NEDD4L: variants seen among roughly 807,000 people sequenced by gnomAD.
NEDD4L encodes the protein NEDD4 like E3 ubiquitin protein ligase.
In NEDD4L, 54 loss-of-function variants were observed where a neutral mutation model predicts 148.9. The ratio of observed to expected loss-of-function variants is 0.36; its 90% CI spans 0.29 to 0.45. NEDD4L has a LOEUF of 0.45. Among genes scored for constraint, NEDD4L ranks in the 20% least tolerant of loss-of-function variants. The pLI is 1.00. For synonymous variants in NEDD4L, 433 were observed against 440.7 expected (o/e 0.98, Z 0.22); for missense variants, 856 against 1,233.8 (o/e 0.69, Z 4.59).
Position 58,316,046 on chromosome 18 carries a change from C to T in NEDD4L, c.348+14C>T. The T allele has an allele frequency of 6.2e-7, 1 of 1,608,032 alleles. No individual in the cohort carries two copies. The highest frequency in any genetic ancestry group is 8.5e-7 in the Non-Finnish European group (1 of 1,174,636). On this transcript the variant is annotated intron_variant, in intron 6 of 30. Transcript: ENST00000400345. ...AGTCACCTTCCGGTAAGGACAGTCT[C>T]ATGTTTGATGCTTCGTGCTGGGGGC... is the stretch of plus-strand genomic sequence containing the variant.
At chr18:58,363,722 A>G (rs566047471) in intron 19 of NEDD4L, among the ~76,000 whole-genome samples, 4 of 152,332 alleles carry the variant, frequency 2.6e-5, no homozygotes, top group Non-Finnish European at 5.9e-5. Flanking sequence ...ATTAAGGGAC[A>G]AACCTTCTGA....
Position 58,325,280 on chromosome 18 carries a change from T to G in NEDD4L, c.680+118T>G, listed in dbSNP as rs1040247221. The G allele has an allele frequency of 8.3e-6, 10 of 1,204,230 alleles. No homozygotes were observed. In the African/African-American group the frequency reaches 1.3e-4, roughly 16 times the overall value. 74.6% of individuals were successfully genotyped at this position (1,204,230 alleles called of 1,614,324 possible). On this transcript the variant is annotated intron_variant, in intron 9 of 30. Coordinates refer to ENST00000400345, the MANE Select transcript of NEDD4L (RefSeq NM_001144967.3). ...ATCATATGTCTATAAGAGCAGATGG[T>G]GGTGTGGTACGAGATTCCTCTCCAT...
chr18:58,244,622 T>G (rs1006301044), intron 2 of NEDD4L, among the ~76,000 whole-genome samples: 1 of 152,222 alleles, frequency 6.6e-6, no homozygotes, highest in Admixed American at 6.5e-5. Flanking sequence ...GGCAAATCTC[T>G]CTTGACTTTC....
At chr18:58,361,622 C>A (rs909639665) in intron 19 of NEDD4L, among the ~76,000 whole-genome samples, 7 of 152,132 alleles carry the variant, frequency 4.6e-5, no homozygotes, top group African/African-American at 1.7e-4. Flanking sequence ...CTGATGTCCC[C>A]GTGCCGGGCA....
chr18:58,201,649 C>G (rs1041127202), intron 2 of NEDD4L, among the ~76,000 whole-genome samples: 1 of 152,148 alleles, frequency 6.6e-6, no homozygotes, highest in African/African-American at 2.4e-5. Context: ...GTTCTTATTA[C>G]GTTCGTGTAT....
chr18:58,190,581 A>T (rs1473805155), intron 2 of NEDD4L, among the ~76,000 whole-genome samples: 1 of 152,230 alleles, frequency 6.6e-6, no homozygotes, highest in Non-Finnish European at 1.5e-5. Context: ...TCAGAGAAGC[A>T]GGCTCATGAG....
intron 1 of NEDD4L, among the ~76,000 whole-genome samples, chr18:58,097,049 T>C (rs2084457148): frequency 6.6e-6 from 1 of 152,080 alleles, no homozygotes; most frequent in African/African-American, 2.4e-5. Flanking sequence ...CAATTTCACA[T>C]CAAACTGTGG....
At chr18:58,176,181 T>A (rs779747959) in intron 2 of NEDD4L, among the ~76,000 whole-genome samples, 2 of 152,098 alleles carry the variant, frequency 1.3e-5, no homozygotes, top group Non-Finnish European at 2.9e-5. Flanking sequence ...CAAACTAGAC[T>A]GCTTTCTTTC....
chr18:58,111,218 C>G (rs1371130172), intron 1 of NEDD4L, among the ~76,000 whole-genome samples: 1 of 152,132 alleles, frequency 6.6e-6, no homozygotes. Context: ...CAAGCTCATG[C>G]CACTACACCC....
At chr18:58,322,334 C>A in intron 6 of NEDD4L, 91 bp from the exon 7 acceptor site, 2 of 939,742 alleles carry the variant, frequency 2.1e-6, no homozygotes, top group Non-Finnish European at 3.4e-6. Flanking sequence ...TTCTAAAATT[C>A]AAAATATATT....
intron 1 of NEDD4L, among the ~76,000 whole-genome samples, chr18:58,125,358 G>GGTGTGTGTGTGTGT (rs34644275): frequency 4.9e-4 from 73 of 148,818 alleles, no homozygotes; most frequent in African/African-American, 1.0e-3. Flanking sequence ...CCACCAGGAG[G>GGTGTGTGTGTGTGT]GTGTGTGTGT....
chr18:58,366,206 G>A lies in NEDD4L; in HGVS notation c.2041G>A (p.Gly681Ser). 7 of 1,609,608 alleles carry A rather than the reference G, an allele frequency of 4.3e-6. No homozygotes were observed. The highest frequency in any genetic ancestry group is 5.9e-6 in the Non-Finnish European group (7 of 1,177,496). The change falls in exon 21 of 31, where the codon GGC becomes AGC. Residue 681 changes from glycine to serine, a missense_variant. Coordinates refer to ENST00000400345, the MANE Select transcript of NEDD4L (RefSeq NM_001144967.3). The surrounding 1 kb of genome is among the most constrained non-coding windows in gnomAD (Gnocchi z 4.2). ...CAAAGAGATGTTCAACCCCTACTAC[G>A]GCCTCTTTGAGTACTCTGCCACGTA... ...LSKEMFNPYY[G>S]LFEYSATDNY... is the part of the protein sequence containing the mutation.
At chr18:58,159,817 G>A (rs1237771568) in intron 1 of NEDD4L, among the ~76,000 whole-genome samples, 1 of 152,212 alleles carries the variant, frequency 6.6e-6, no homozygotes, top group Non-Finnish European at 1.5e-5. Flanking sequence ...GTAATAGCTA[G>A]AACTAGAAAA....
intron 24 of NEDD4L, among the ~76,000 whole-genome samples, chr18:58,374,991 A>T (rs963773363): frequency 1.3e-5 from 2 of 152,000 alleles, no homozygotes; most frequent in Non-Finnish European, 2.9e-5. Context: ...GCTTCTCCTG[A>T]GAGGCTCACG....
intron 16 of NEDD4L, 46 bp downstream of exon 16, chr18:58,343,149 G>A: frequency 6.7e-7 from 1 of 1,495,360 alleles, no homozygotes; most frequent in African/African-American, 1.4e-5. Context: ...CATGAAGTCT[G>A]GCATTAATTC....
intron 3 of NEDD4L, among the ~76,000 whole-genome samples, chr18:58,248,471 C>T (rs1288680945): frequency 6.6e-6 from 1 of 152,008 alleles, no homozygotes; most frequent in East Asian, 1.9e-4. Flanking sequence ...GTTAAGATTT[C>T]AATATTTATA....
At chr18:58,112,596 C>A (rs937827879) in intron 1 of NEDD4L, among the ~76,000 whole-genome samples, 1 of 152,054 alleles carries the variant, frequency 6.6e-6, no homozygotes, top group Non-Finnish European at 1.5e-5. Flanking sequence ...TCAAGTGATT[C>A]TCTTGCCTCT....
chr18:58,214,884 T>C (rs185734783), intron 2 of NEDD4L, among the ~76,000 whole-genome samples: 10 of 150,604 alleles, frequency 6.6e-5, no homozygotes, highest in Admixed American at 4.7e-4. Flanking sequence ...CCATCTCAGC[T>C]CACTGCAACC....
chr18:58,268,058 A>G lies in NEDD4L; in HGVS notation c.297+16004A>G, dbSNP rs768413749. On this transcript the variant is annotated intron_variant, in intron 5 of 30. Transcript: ENST00000400345. ...AAATCAACTGTCAAAAGCCCAATTA[A>G]TAGGAGAAATGCCATACAACTTTAT... Among the ~76,000 whole-genome samples the G allele has an allele frequency of 4.1e-4, 63 of 152,068 alleles. 1 individual carries two copies. Among genetic ancestry groups the G allele is most frequent in the Non-Finnish European group, 1.9e-4 (13 of 67,972 alleles).
Sources: gnomAD v4.1 joint callset for allele counts (sites outside exome capture counted in the v4.1 genomes callset) on GRCh38, gnomAD v4.1.1 for gene constraint, Gnocchi (gnomAD v3.1) non-coding constraint, MANE v1.5 for transcripts, NCBI Gene and HGNC (gene_info 2026-07-23, HGNC 2026-07-21) for gene names.